The following PSPC1 variants were observed in gnomAD, a reference collection of about 807,000 sequenced individuals.
PSPC1 encodes the protein paraspeckle component 1.
Under a neutral mutation model 51.6 loss-of-function variants are expected in PSPC1, and 14 were observed. The ratio of observed to expected loss-of-function variants is 0.27; its 90% CI spans 0.18 to 0.42. The LOEUF is 0.42. Ranked by LOEUF, PSPC1 falls within the 10% of genes least tolerant of loss-of-function variation. The probability of loss-of-function intolerance (pLI) is 1.00; values close to 1 mark genes in which losing one functional copy is unlikely to be tolerated. For missense variants in PSPC1, 406 were observed against 701.1 expected, an observed-to-expected ratio of 0.58 and a Z score of 4.75; for synonymous variants, 193 against 231.9, an observed-to-expected ratio of 0.83 and a Z score of 1.53.
downstream of PSPC1, among the ~76,000 whole-genome samples, chr13:19,674,454 T>A (rs1232620493): frequency 6.6e-6 from 1 of 152,232 alleles, no homozygotes; most frequent in Admixed American, 6.5e-5. Flanking sequence ...AGGTGCTACT[T>A]CTGAGTGAGT....
chr13:19,717,751 C>CCCCTGTAT (rs1882286957), intron 6 of PSPC1, among the ~76,000 whole-genome samples: 1 of 150,508 alleles, frequency 6.6e-6, no homozygotes, highest in Non-Finnish European at 1.5e-5. Flanking sequence ...TGGTGGTGCA[C>CCCCTGTAT]CCCTGTATCC....
rs182704271 is a variant in PSPC1, at chr13:19,705,911, T to G, written c.1217-80A>C. 6.2e-5 allele frequency: 78 copies of G among 1,249,096 alleles called. 1 individual carries two copies. The East Asian group carries it at 1.9e-3, about 30-fold the overall frequency. The allele number at this position is 1,249,096 out of a possible 1,614,324, so 77.4% of individuals were successfully genotyped here. On this transcript the variant is annotated intron_variant, in intron 7 of 8. Coordinates refer to ENST00000338910, the MANE Select transcript of PSPC1 (RefSeq NM_001354909.2). ...ACAATTTAACAATATTTATGCAATC[T>G]ATATACCAAGACCATTATCAAAATT...
downstream of PSPC1, chr13:19,672,061 T>C (rs1876161363): frequency 2.9e-5 from 18 of 615,916 alleles, no homozygotes; most frequent in East Asian, 4.9e-4. Flanking sequence ...TGCCGGAATC[T>C]CAGTGCAGTG....
At chr13:19,671,816 G>A (rs368067253), downstream of PSPC1, 156 of 1,613,538 alleles carry the variant, frequency 9.7e-5, 3 homozygotes, top group South Asian at 7.4e-4. Flanking sequence ...TGACACCTGC[G>A]TTCTTTTCTT....
intron 5 of PSPC1, among the ~76,000 whole-genome samples, chr13:19,733,984 T>C (rs890440345): frequency 4.0e-5 from 6 of 151,796 alleles, no homozygotes; most frequent in Non-Finnish European, 8.8e-5. Flanking sequence ...TTTAAAACCA[T>C]AGAAGAGGGT....
intron 6 of PSPC1, chr13:19,678,965 G>A (rs2137577750): frequency 6.6e-6 from 1 of 152,330 alleles, no homozygotes; most frequent in South Asian, 2.1e-4. Flanking sequence ...TGTTGTCCAA[G>A]CTCGTATGGA....
chr13:19,772,641 T>A, intron 1 of PSPC1, 98 bp from the exon 2 acceptor site: 2 of 1,124,224 alleles, frequency 1.8e-6, no homozygotes, highest in Non-Finnish European at 2.5e-6. Context: ...CTTTAGCAAA[T>A]GGCTGACAGG....
intron 6 of PSPC1, among the ~76,000 whole-genome samples, chr13:19,722,592 G>C (rs144978642): frequency 2.6e-5 from 4 of 151,932 alleles, no homozygotes; most frequent in Non-Finnish European, 4.4e-5. Context: ...ACAGGGGTTC[G>C]AGACCAGCCT....
At chr13:19,693,376 T>C (rs530147651) in intron 6 of PSPC1, among the ~76,000 whole-genome samples, 1 of 152,326 alleles carries the variant, frequency 6.6e-6, no homozygotes, top group East Asian at 1.9e-4. Context: ...CATATACCCA[T>C]TAAACTACAA....
chr13:19,745,271 A>G (rs1177930616), intron 4 of PSPC1, among the ~76,000 whole-genome samples: 1 of 152,174 alleles, frequency 6.6e-6, no homozygotes, highest in East Asian at 1.9e-4. Flanking sequence ...GTGAGCAGAG[A>G]TTATGCCAAC....
chr13:19,781,796 T>C (rs979912135), intron 1 of PSPC1, among the ~76,000 whole-genome samples: 40 of 152,144 alleles, frequency 2.6e-4, no homozygotes, highest in African/African-American at 8.7e-4. Flanking sequence ...ATAAATTTAA[T>C]TTAAAAAGAA....
At chr13:19,752,466 G>A (rs1275013507) in intron 3 of PSPC1, among the ~76,000 whole-genome samples, 4 of 151,834 alleles carry the variant, frequency 2.6e-5, no homozygotes, top group Admixed American at 2.6e-4. Context: ...TAAAAAATAT[G>A]ACTGATCTCA....
intron 1 of PSPC1, among the ~76,000 whole-genome samples, chr13:19,779,371 A>T (rs1889618624): frequency 9.8e-6 from 1 of 102,456 alleles, no homozygotes; most frequent in Non-Finnish European, 2.1e-5. Context: ...GCCGTCCGGG[A>T]GGGAGGTGGG....
chr13:19,747,831 C>T (rs1302090937), intron 4 of PSPC1, among the ~76,000 whole-genome samples: 1 of 152,162 alleles, frequency 6.6e-6, no homozygotes, highest in African/African-American at 2.4e-5. Flanking sequence ...CATGATATGT[C>T]ATGATACATG....
intron 1 of PSPC1, among the ~76,000 whole-genome samples, chr13:19,778,315 A>T: frequency 6.6e-6 from 1 of 150,678 alleles, no homozygotes; most frequent in Non-Finnish European, 1.5e-5. Flanking sequence ...TAATAAAAAT[A>T]CCGTACCATG....
At chr13:19,755,235 C>CA (rs1164836477) in intron 3 of PSPC1, among the ~76,000 whole-genome samples, 1,666 of 131,712 alleles carry the variant, frequency 0.013, 25 homozygotes, top group African/African-American at 0.041. Flanking sequence ...GACCCTGTCT[C>CA]AAAAAAAAAA....
At chr13:19,771,456 G>T (rs1259943309) in intron 2 of PSPC1, among the ~76,000 whole-genome samples, 1 of 151,916 alleles carries the variant, frequency 6.6e-6, no homozygotes, top group Non-Finnish European at 1.5e-5. Flanking sequence ...TATTTTTTTT[G>T]AGACAAGGTC....
intron 6 of PSPC1, among the ~76,000 whole-genome samples, chr13:19,717,009 G>A (rs1216872900): frequency 6.6e-6 from 1 of 151,564 alleles, no homozygotes; most frequent in Non-Finnish European, 1.5e-5. Flanking sequence ...GGCCATGATG[G>A]TGAAACCCCA....
chr13:19,694,945 C>T (rs979317877), intron 6 of PSPC1, among the ~76,000 whole-genome samples: 1 of 152,224 alleles, frequency 6.6e-6, no homozygotes, highest in Non-Finnish European at 1.5e-5. Context: ...TTATTTGTCA[C>T]TCTATTACAC....
Sources: allele counts gnomAD v4.1 joint callset (sites outside exome capture counted in the v4.1 genomes callset), GRCh38; gene constraint gnomAD v4.1.1; transcripts MANE v1.5; gene names NCBI Gene and HGNC (gene_info 2026-07-23, HGNC 2026-07-21).